KLF17: variants seen among roughly 807,000 people sequenced by gnomAD.
KLF17 encodes the protein KLF transcription factor 17, also known as Krueppel-like factor 17.
In KLF17, 31 loss-of-function variants were observed where a neutral mutation model predicts 34.2. The ratio of observed to expected loss-of-function variants is 0.91; its 90% CI spans 0.68 to 1.22. The LOEUF (loss-of-function observed/expected upper bound fraction) is 1.22, where lower values mean the gene tolerates loss of function less well. KLF17 is among the 50% of genes most tolerant of loss of function. The probability of loss-of-function intolerance (pLI) is 0.00; values close to 1 mark genes in which losing one functional copy is unlikely to be tolerated. For missense variants in KLF17, 478 were observed against 505.2 expected (o/e 0.95, Z 0.52); for synonymous variants, 179 against 186.7 (o/e 0.96, Z 0.34).
At chr1:44,107,882 G>C in the KLF17 span, among the ~76,000 whole-genome samples, 1 of 152,108 alleles carries the variant, frequency 6.6e-6, no homozygotes, top group Admixed American at 6.5e-5. Context: ...AAAAAACACA[G>C]CATATATAGG....
At chr1:44,108,429 T>G in the KLF17 span, among the ~76,000 whole-genome samples, 2 of 152,156 alleles carry the variant, frequency 1.3e-5, no homozygotes, top group East Asian at 3.9e-4. Flanking sequence ...GTCATCTAAC[T>G]TGTATTTTTG....
chr1:44,093,220 C>G, the KLF17 span, among the ~76,000 whole-genome samples: 1 of 150,132 alleles, frequency 6.7e-6, no homozygotes, highest in Non-Finnish European at 1.5e-5. Flanking sequence ...GGTTGGGGGC[C>G]TGTGAATTAA....
upstream of KLF17, among the ~76,000 whole-genome samples, chr1:44,118,091 C>G (rs1444095242): frequency 6.6e-6 from 1 of 152,302 alleles, no homozygotes; most frequent in South Asian, 2.1e-4. Flanking sequence ...TTCAATCTTC[C>G]TATGGCTGGC....
chr1:44,056,629 T>A, the KLF17 span, among the ~76,000 whole-genome samples: 2 of 152,178 alleles, frequency 1.3e-5, no homozygotes, highest in African/African-American at 4.8e-5. Flanking sequence ...ACCCTTTATG[T>A]GGCTGAAAAA....
At chr1:44,113,656 C>A in the KLF17 span, among the ~76,000 whole-genome samples, 1 of 152,162 alleles carries the variant, frequency 6.6e-6, no homozygotes, top group Non-Finnish European at 1.5e-5. Flanking sequence ...AGAGGATGAC[C>A]TTTCCTGTGA....
At chr1:44,103,718 C>A in the KLF17 span, 1 of 1,532,782 alleles carries the variant, frequency 6.5e-7, no homozygotes, top group Non-Finnish European at 9.0e-7. Flanking sequence ...CCAGCTCGGA[C>A]AGCTTGGCGT....
At chr1:44,077,604 ATTT>A in the KLF17 span, among the ~76,000 whole-genome samples, 6 of 151,976 alleles carry the variant, frequency 3.9e-5, no homozygotes, top group East Asian at 9.9e-4. Context: ...ATCTGTAGGT[ATTT>A]CACTAACATG....
chr1:44,115,607 A>G (rs1571980190), upstream of KLF17: 1 of 152,214 alleles, frequency 6.6e-6, no homozygotes, highest in East Asian at 1.9e-4. Context: ...TTACCTTTGA[A>G]ATGAAAACCT....
chr1:44,090,553 G>T, the KLF17 span, among the ~76,000 whole-genome samples: 2 of 152,018 alleles, frequency 1.3e-5, no homozygotes, highest in Non-Finnish European at 2.9e-5. Flanking sequence ...AAGAGAAGAG[G>T]GGGCAGGTAA....
chr1:44,073,010 T>A, the KLF17 span, among the ~76,000 whole-genome samples: 1 of 152,150 alleles, frequency 6.6e-6, no homozygotes, highest in Non-Finnish European at 1.5e-5. Context: ...AGGTCATTAA[T>A]GATGGTGACA....
chr1:44,100,635 TTTTTG>T, the KLF17 span, among the ~76,000 whole-genome samples: 35 of 151,552 alleles, frequency 2.3e-4, no homozygotes, highest in South Asian at 1.7e-3. Flanking sequence ...TTTGTTTTTG[TTTTTG>T]TTTTGTTTTG....
chr1:44,112,912 G>T, the KLF17 span, among the ~76,000 whole-genome samples: 1 of 152,194 alleles, frequency 6.6e-6, no homozygotes, highest in Non-Finnish European at 1.5e-5. Flanking sequence ...CACAGTGCTA[G>T]GTACCCAGAG....
chr1:44,049,063 C>G, the KLF17 span, among the ~76,000 whole-genome samples: 1 of 152,142 alleles, frequency 6.6e-6, no homozygotes, highest in Non-Finnish European at 1.5e-5. Flanking sequence ...CCTGGGAAGT[C>G]CAAGATCAAG....
At chr1:44,062,530 C>G in the KLF17 span, among the ~76,000 whole-genome samples, 1 of 149,044 alleles carries the variant, frequency 6.7e-6, no homozygotes, top group African/African-American at 2.5e-5. Context: ...AAAACAAGAC[C>G]CTATCTTTAC....
chr1:44,124,334 C>CTTT (rs562700840), intron 1 of KLF17, among the ~76,000 whole-genome samples: 1 of 137,796 alleles, frequency 7.3e-6, no homozygotes, highest in African/African-American at 2.7e-5. Flanking sequence ...TGTATATATT[C>CTTT]TTTTTTTTTT....
the KLF17 span, chr1:44,104,611 G>A: frequency 1.8e-6 from 1 of 569,786 alleles, no homozygotes; most frequent in Non-Finnish European, 3.2e-6. Context: ...TCCCACCATA[G>A]CCTCTGCCCA....
At chr1:44,120,208 C>A (rs1315262842) in intron 1 of KLF17, among the ~76,000 whole-genome samples, 1 of 152,160 alleles carries the variant, frequency 6.6e-6, no homozygotes, top group African/African-American at 2.4e-5. Context: ...TGGCCATAGT[C>A]CATTAGAAGA....
At chr1:44,078,439 T>C in the KLF17 span, among the ~76,000 whole-genome samples, 2 of 143,882 alleles carry the variant, frequency 1.4e-5, no homozygotes, top group Admixed American at 6.9e-5. Context: ...TCCTTCTTCT[T>C]TTTTTTTTTT....
chr1:44,122,353 G>A (rs1199358151), intron 1 of KLF17: 19 of 1,607,682 alleles, frequency 1.2e-5, no homozygotes, highest in Non-Finnish European at 1.6e-5. Context: ...GTTTCCAGCT[G>A]TACAGGTTCT....
Sources: gnomAD v4.1 joint callset for allele counts (sites outside exome capture counted in the v4.1 genomes callset) on GRCh38, gnomAD v4.1.1 for gene constraint, MANE v1.5 for transcripts, NCBI Gene and HGNC (gene_info 2026-07-23, HGNC 2026-07-21) for gene names.